The following SYNDIG1 variants were observed in gnomAD, a reference collection of about 807,000 sequenced individuals.
The protein encoded by SYNDIG1 is synapse differentiation inducing 1.
A neutral mutation model predicts 19.4 loss-of-function variants in SYNDIG1; 9 were observed. The ratio of observed to expected loss-of-function variants is 0.46; its 90% CI spans 0.28 to 0.81. The LOEUF (loss-of-function observed/expected upper bound fraction) is 0.81. SYNDIG1 is among the 30% of genes least tolerant of loss of function. SYNDIG1 has a pLI of 0.12. For synonymous variants in SYNDIG1, 141 were observed against 145.9 expected, an observed-to-expected ratio of 0.97 and a Z score of 0.24; for missense variants, 311 against 343.3, an observed-to-expected ratio of 0.91 and a Z score of 0.74.
At chr20:24,499,369 G>T (rs866899465) in intron 1 of SYNDIG1, among the ~76,000 whole-genome samples, 2 of 152,256 alleles carry the variant, frequency 1.3e-5, no homozygotes, top group South Asian at 4.1e-4. Flanking sequence ...AGCCACAAGT[G>T]GTCAGAGGAG....
At chr20:24,540,206 T>C (rs373150698) in intron 1 of SYNDIG1, among the ~76,000 whole-genome samples, 92 of 152,372 alleles carry the variant, frequency 6.0e-4, no homozygotes, top group African/African-American at 2.2e-3. Flanking sequence ...TTTCAGATTC[T>C]TCATTGTTGG....
chr20:24,529,234 A>G (rs559087906), intron 1 of SYNDIG1, among the ~76,000 whole-genome samples: 72 of 152,178 alleles, frequency 4.7e-4, no homozygotes, highest in Non-Finnish European at 1.0e-3. Flanking sequence ...GTGGGAGGAC[A>G]TCACTGTTGA....
At chr20:24,586,512 T>A (rs2058420516) in intron 3 of SYNDIG1, among the ~76,000 whole-genome samples, 1 of 152,134 alleles carries the variant, frequency 6.6e-6, no homozygotes, top group Non-Finnish European at 1.5e-5. Context: ...CACAGGCCCA[T>A]GGTGGGCAGA....
At chr20:24,580,861 T>C (rs1275728267) in intron 2 of SYNDIG1, among the ~76,000 whole-genome samples, 1 of 152,178 alleles carries the variant, frequency 6.6e-6, no homozygotes, top group Non-Finnish European at 1.5e-5. Context: ...AATCTTTGCT[T>C]CTTGGGGACT....
At chr20:24,523,092 T>C (rs1309204503) in intron 1 of SYNDIG1, among the ~76,000 whole-genome samples, 1 of 152,160 alleles carries the variant, frequency 6.6e-6, no homozygotes, top group Non-Finnish European at 1.5e-5. Context: ...GTGTCTTCAA[T>C]TGTACATGAG....
At chr20:24,539,800 A>T (rs1420290903) in intron 1 of SYNDIG1, among the ~76,000 whole-genome samples, 1 of 151,786 alleles carries the variant, frequency 6.6e-6, no homozygotes, top group Non-Finnish European at 1.5e-5. Flanking sequence ...TGTTTTTGAG[A>T]TGGAGTCTTG....
At chr20:24,592,009 TAA>T (rs2147078128) in intron 3 of SYNDIG1, among the ~76,000 whole-genome samples, 2 of 152,372 alleles carry the variant, frequency 1.3e-5, no homozygotes, top group East Asian at 3.9e-4. Flanking sequence ...CTCCCAGGGA[TAA>T]GTCTGTCCTT....
At position 24,543,181 on chromosome 20, in the gene SYNDIG1, C is replaced by G. The variant is rs1237316249; in HGVS notation, c.84C>G (p.Thr28=). 1 of 1,614,078 alleles carries G rather than the reference C, an allele frequency of 6.2e-7. No individual in the cohort carries two copies. Among genetic ancestry groups the G allele is most frequent in the Admixed American group, 1.7e-5 (1 of 60,020 alleles). ...GCAAGAGGAATGGTTTAATTAACAC[C>G]AGAAACTTGATGGCCGAGAGCAGAG... ...DAGKRNGLIN[T]RNLMAESRDG... The change falls in exon 2 of 4, where the codon ACC becomes ACG. Residue 28 remains threonine, a synonymous_variant. Transcript: ENST00000376862.
chr20:24,530,399 T>C (rs1425540971), intron 1 of SYNDIG1, among the ~76,000 whole-genome samples: 2 of 152,200 alleles, frequency 1.3e-5, no homozygotes, highest in African/African-American at 4.8e-5. Context: ...CATTTTGCAA[T>C]TGTAATGTGC....
chr20:24,517,312 T>A (rs180690893), intron 1 of SYNDIG1, among the ~76,000 whole-genome samples: 30,877 of 144,256 alleles, frequency 0.21, 3,441 homozygotes, highest in Admixed American at 0.26. Flanking sequence ...AAAAAAAAAA[T>A]AAATAAATAA....
chr20:24,610,249 T>G (rs1461299533), intron 3 of SYNDIG1, among the ~76,000 whole-genome samples: 2 of 152,230 alleles, frequency 1.3e-5, no homozygotes, highest in African/African-American at 4.8e-5. Context: ...ATTCCTGTGA[T>G]AATTTTGAAT....
chr20:24,626,793 A>C (rs2059147083), intron 3 of SYNDIG1, among the ~76,000 whole-genome samples: 1 of 152,252 alleles, frequency 6.6e-6, no homozygotes, highest in African/African-American at 2.4e-5. Context: ...ACCATTGAGC[A>C]CTGAGTTAAC....
At chr20:24,530,366 A>C (rs1216148916) in intron 1 of SYNDIG1, among the ~76,000 whole-genome samples, 4 of 152,186 alleles carry the variant, frequency 2.6e-5, no homozygotes, top group Non-Finnish European at 5.9e-5. Context: ...AGGCCACCAA[A>C]AATGATACAT....
chr20:24,656,237 T>C (rs1359909791), intron 3 of SYNDIG1, among the ~76,000 whole-genome samples: 1 of 152,188 alleles, frequency 6.6e-6, no homozygotes, highest in Non-Finnish European at 1.5e-5. Flanking sequence ...GGGAGATGTA[T>C]ATCACATTTT....
chr20:24,660,110 A>T (rs2059569236), intron 3 of SYNDIG1, among the ~76,000 whole-genome samples: 1 of 152,218 alleles, frequency 6.6e-6, no homozygotes, highest in Non-Finnish European at 1.5e-5. Flanking sequence ...TCTGGGTGTC[A>T]TGACGGCTTG....
At chr20:24,614,816 T>A (rs2058904578) in intron 3 of SYNDIG1, among the ~76,000 whole-genome samples, 2 of 152,236 alleles carry the variant, frequency 1.3e-5, no homozygotes, top group South Asian at 4.1e-4. Context: ...TAGGCTATAC[T>A]TAAAATGTTT....
chr20:24,569,792 GA>G (rs2058111085), intron 2 of SYNDIG1, among the ~76,000 whole-genome samples: 1 of 152,302 alleles, frequency 6.6e-6, no homozygotes, highest in Non-Finnish European at 1.5e-5. Context: ...ACATGGATCA[GA>G]AAAGATAAGA....
At chr20:24,599,822 A>T (rs2058651733) in intron 3 of SYNDIG1, among the ~76,000 whole-genome samples, 1 of 152,220 alleles carries the variant, frequency 6.6e-6, no homozygotes, top group African/African-American at 2.4e-5. Context: ...GATAACAGAG[A>T]CTGGGAAGAG....
intron 3 of SYNDIG1, among the ~76,000 whole-genome samples, chr20:24,627,149 G>GC (rs1262536731): frequency 0.011 from 1,580 of 148,664 alleles, 25 homozygotes; most frequent in African/African-American, 0.033. Flanking sequence ...GAGAGGGAGA[G>GC]GGAGAGCGAG....
Sources: allele counts gnomAD v4.1 joint callset (sites outside exome capture counted in the v4.1 genomes callset), GRCh38; gene constraint gnomAD v4.1.1; transcripts MANE v1.5; gene names NCBI Gene and HGNC (gene_info 2026-07-23, HGNC 2026-07-21).